The following SEMA5A variants were observed in gnomAD, a reference collection of about 807,000 sequenced individuals.
SEMA5A encodes the protein semaphorin-5A.
Under a neutral mutation model 135.5 loss-of-function variants are expected in SEMA5A, and 55 were observed. The observed-to-expected ratio is 0.41, with a 90% CI of 0.33 to 0.51. The LOEUF is 0.51. SEMA5A is among the 20% of genes least tolerant of loss of function. SEMA5A has a pLI of 0.37. For missense variants in SEMA5A, 1,290 were observed against 1,419.9 expected, an observed-to-expected ratio of 0.91 and a Z score of 1.47; for synonymous variants, 580 against 546.5, an observed-to-expected ratio of 1.06 and a Z score of -0.85.
At chr5:9,421,549 G>T (rs1362050768) in intron 2 of SEMA5A, among the ~76,000 whole-genome samples, 2 of 152,162 alleles carry the variant, frequency 1.3e-5, no homozygotes, top group African/African-American at 4.8e-5. Context: ...ATTCCCAGGG[G>T]TTGTAATACT....
intron 10 of SEMA5A, among the ~76,000 whole-genome samples, chr5:9,192,154 C>T (rs954873432): frequency 6.6e-6 from 1 of 152,154 alleles, no homozygotes; most frequent in Non-Finnish European, 1.5e-5. Flanking sequence ...AGGGCTCAGC[C>T]CTGCCATGAC....
intron 4 of SEMA5A, among the ~76,000 whole-genome samples, chr5:9,324,351 A>C (rs1752775802): frequency 6.6e-6 from 1 of 152,224 alleles, no homozygotes; most frequent in Non-Finnish European, 1.5e-5. Flanking sequence ...TACAGGCGTG[A>C]GCCACCGTGC....
intron 5 of SEMA5A, chr5:9,280,789 C>T (rs1331359728): frequency 2.3e-6 from 1 of 430,818 alleles, no homozygotes; most frequent in East Asian, 7.2e-5. Flanking sequence ...CAATACTCAC[C>T]CAATTGTCTT....
chr5:9,360,609 G>T (rs1754649045), intron 3 of SEMA5A, among the ~76,000 whole-genome samples: 1 of 152,112 alleles, frequency 6.6e-6, no homozygotes, highest in Non-Finnish European at 1.5e-5. Context: ...TAATAAAACT[G>T]CAATGAAAAT....
At chr5:9,476,861 G>A (rs953441247) in intron 1 of SEMA5A, among the ~76,000 whole-genome samples, 1 of 151,952 alleles carries the variant, frequency 6.6e-6, no homozygotes, top group African/African-American at 2.4e-5. Flanking sequence ...CACATCACCT[G>A]CGGCCAGGAA....
rs776017454 is a variant in SEMA5A at position 9,190,305 on chromosome 5, C to T, written c.1235G>A (p.Gly412Asp). Residue 412 changes from glycine to aspartate, a missense_variant, in exon 11 of 23, where the codon GGC becomes GAC. This residue lies in a region of SEMA5A where 1,029 missense variants were observed against 1,086.6 expected (regional missense o/e 0.95). Transcript: ENST00000382496. Reference sequence around the variant, plus strand: ...GATGATGTGGACGAGCGCTTCTCTGCCCTGCACCACGTCGACTGCCACGTG... The same window carrying T: ...GATGATGTGGACGAGCGCTTCTCTGTCCTGCACCACGTCGACTGCCACGTG... ...FSHVAVDVVQ[G>D]REALVHIIYL... is the part of the protein sequence containing the mutation. 4 of 1,614,098 alleles carry T rather than the reference C, an allele frequency of 2.5e-6. No homozygotes were observed. Among genetic ancestry groups the T allele is most frequent in the Non-Finnish European group, 3.4e-6 (4 of 1,180,028 alleles).
intron 16 of SEMA5A, among the ~76,000 whole-genome samples, chr5:9,106,143 C>T (rs545565404): frequency 1.3e-4 from 20 of 152,182 alleles, no homozygotes; most frequent in African/African-American, 4.8e-4. Context: ...AAGTAGACTA[C>T]CAAAAGGCTA....
intron 5 of SEMA5A, among the ~76,000 whole-genome samples, chr5:9,309,929 G>A (rs529961326): frequency 6.6e-5 from 10 of 152,170 alleles, no homozygotes; most frequent in South Asian, 2.1e-4. Flanking sequence ...GAGGAGGACC[G>A]TTGGTAACGC....
intron 5 of SEMA5A, among the ~76,000 whole-genome samples, chr5:9,248,773 G>A (rs548798373): frequency 6.6e-6 from 1 of 152,080 alleles, no homozygotes; most frequent in Non-Finnish European, 1.5e-5. Flanking sequence ...GAGGCCGGCA[G>A]CCACCCGAAG....
At chr5:9,447,598 T>C (rs1367670433) in intron 1 of SEMA5A, among the ~76,000 whole-genome samples, 1 of 152,230 alleles carries the variant, frequency 6.6e-6, no homozygotes, top group Non-Finnish European at 1.5e-5. Flanking sequence ...GTTTGTTTCA[T>C]GTTTTATAGA....
At chr5:9,258,803 C>CTTTTTTTTTTTTTTTTTT (rs748703578) in intron 5 of SEMA5A, among the ~76,000 whole-genome samples, 24 of 48,982 alleles carry the variant, frequency 4.9e-4, no homozygotes, top group East Asian at 8.0e-4. Flanking sequence ...TTCTTTCTTT[C>CTTTTTTTTTTTTTTTTTT]TTTTTTTTTT....
chr5:9,416,514 C>T (rs760785314), intron 2 of SEMA5A, among the ~76,000 whole-genome samples: 3 of 152,160 alleles, frequency 2.0e-5, no homozygotes, highest in East Asian at 1.9e-4. Context: ...CTCGCCCCTA[C>T]CCCAGAGCCT....
At chr5:9,513,751 C>G (rs1490660120) in intron 1 of SEMA5A, among the ~76,000 whole-genome samples, 1 of 152,148 alleles carries the variant, frequency 6.6e-6, no homozygotes, top group East Asian at 1.9e-4. Context: ...TTTTAATTAT[C>G]CCCTTATTTG....
intron 19 of SEMA5A, among the ~76,000 whole-genome samples, chr5:9,052,596 T>G (rs1314578628): frequency 6.6e-6 from 1 of 152,174 alleles, no homozygotes; most frequent in African/African-American, 2.4e-5. Flanking sequence ...CATGCCAAAG[T>G]CAGGTGACCC....
intron 2 of SEMA5A, among the ~76,000 whole-genome samples, chr5:9,420,017 T>C (rs750017005): frequency 1.6e-4 from 24 of 152,242 alleles, no homozygotes; most frequent in South Asian, 1.2e-3. Flanking sequence ...TCGGTGGCCA[T>C]ATTGGTTCCA....
rs1452638815 is a variant in SEMA5A at position 9,187,342 on chromosome 5, A to G, written c.1273+2925T>C. Among the ~76,000 whole-genome samples, 5 of 152,298 alleles carry G rather than the reference A, an allele frequency of 3.3e-5. No individual in the cohort carries two copies. In the East Asian group the frequency reaches 7.7e-4, roughly 24 times the overall value. ...GATCCACAAGTTAGTTGAGACATGA[A>G]ATATGTAATTATAGAGGTTGTTCAG... On this transcript the variant is annotated intron_variant, in intron 11 of 22. Transcript: ENST00000382496.
chr5:9,140,413 C>T (rs1742002746), intron 12 of SEMA5A, among the ~76,000 whole-genome samples: 1 of 152,234 alleles, frequency 6.6e-6, no homozygotes, highest in Non-Finnish European at 1.5e-5. Flanking sequence ...TCAGCAATTT[C>T]TTCCTGAGTA....
intron 9 of SEMA5A, among the ~76,000 whole-genome samples, chr5:9,198,830 A>G (rs1745552880): frequency 6.6e-6 from 1 of 152,212 alleles, no homozygotes; most frequent in African/African-American, 2.4e-5. Context: ...AAGAATGGCT[A>G]GACACAGGAT....
intron 5 of SEMA5A, among the ~76,000 whole-genome samples, chr5:9,316,370 C>T (rs938759938): frequency 3.9e-5 from 6 of 152,178 alleles, no homozygotes; most frequent in African/African-American, 1.4e-4. Flanking sequence ...AACAAAGTAA[C>T]ATGTATCAAG....
Sources: allele counts gnomAD v4.1 joint callset (sites outside exome capture counted in the v4.1 genomes callset), GRCh38; gene constraint gnomAD v4.1.1; regional missense constraint gnomAD v4.1.1; transcripts MANE v1.5; gene names NCBI Gene and HGNC (gene_info 2026-07-23, HGNC 2026-07-21).